The following ADAMTSL1 variants were observed in gnomAD, a reference collection of about 807,000 sequenced individuals.
The protein encoded by ADAMTSL1 is ADAMTS like 1.
In ADAMTSL1, 126 loss-of-function variants were observed where a neutral mutation model predicts 201.8. The observed-to-expected ratio is 0.62, with a 90% CI of 0.54 to 0.72. ADAMTSL1 has a LOEUF of 0.72. Among genes scored for constraint, ADAMTSL1 ranks in the 30% least tolerant of loss-of-function variants. The probability of loss-of-function intolerance (pLI) is 0.00; values close to 1 mark genes in which losing one functional copy is unlikely to be tolerated. For missense variants in ADAMTSL1, 2,679 were observed against 2,277.8 expected (o/e 1.18, Z -3.59); for synonymous variants, 1,121 against 903.4 (o/e 1.24, Z -4.32).
chr9:18,584,768 G>C lies in ADAMTSL1; in HGVS notation c.474+10502G>C, dbSNP rs531075904. Reference sequence around the variant, plus strand: ...GGACTGAGTTGGGAAAATTTACTCAGTATTGGTGGGCACCATCCAATTGAC... The same window carrying C: ...GGACTGAGTTGGGAAAATTTACTCACTATTGGTGGGCACCATCCAATTGAC... On this transcript the variant is annotated intron_variant, in intron 4 of 28. Coordinates refer to ENST00000380548, the MANE Select transcript of ADAMTSL1 (RefSeq NM_001040272.6). Among the ~76,000 whole-genome samples the C allele has an allele frequency of 2.0e-5, 3 of 152,150 alleles. No individual in the cohort carries two copies. The South Asian group carries it at 6.2e-4, about 32-fold the overall frequency.
intron 16 of ADAMTSL1, among the ~76,000 whole-genome samples, chr9:18,763,314 T>C (rs1820178763): frequency 2.0e-5 from 3 of 152,258 alleles, no homozygotes; most frequent in African/African-American, 7.2e-5. Flanking sequence ...TTTTGAGAGA[T>C]GTCTAGTCAG....
At chr9:18,763,885 T>C (rs1820215465) in intron 16 of ADAMTSL1, among the ~76,000 whole-genome samples, 1 of 152,212 alleles carries the variant, frequency 6.6e-6, no homozygotes, top group South Asian at 2.1e-4. Context: ...GCTGGTACTA[T>C]TGCTCTGTAT....
At chr9:18,144,454 C>A (rs1269703462) in intron 1 of ADAMTSL1, among the ~76,000 whole-genome samples, 1 of 152,120 alleles carries the variant, frequency 6.6e-6, no homozygotes, top group African/African-American at 2.4e-5. Flanking sequence ...GATCCTCCCT[C>A]CTCGCCCTTC....
At chr9:18,673,321 A>T (rs924017471) in intron 9 of ADAMTSL1, among the ~76,000 whole-genome samples, 2 of 152,244 alleles carry the variant, frequency 1.3e-5, no homozygotes, top group African/African-American at 4.8e-5. Flanking sequence ...GGCTAGGGCC[A>T]TGGCATGAAC....
At chr9:17,916,063 G>A (rs994085812) in intron 1 of ADAMTSL1, among the ~76,000 whole-genome samples, 2 of 152,194 alleles carry the variant, frequency 1.3e-5, no homozygotes, top group Admixed American at 1.3e-4. Flanking sequence ...GGGATGACAG[G>A]TGCGTGCCAC....
At chr9:18,760,085 C>A (rs1455065735) in intron 16 of ADAMTSL1, among the ~76,000 whole-genome samples, 2 of 152,148 alleles carry the variant, frequency 1.3e-5, no homozygotes, top group East Asian at 1.9e-4. Flanking sequence ...TACATACCTG[C>A]CTGCCACCCC....
At chr9:18,575,445 C>A (rs1230455675) in intron 4 of ADAMTSL1, among the ~76,000 whole-genome samples, 3 of 152,066 alleles carry the variant, frequency 2.0e-5, no homozygotes, top group Non-Finnish European at 4.4e-5. Context: ...TATTTTAAAG[C>A]TAGAAAGGGC....
At chr9:18,696,832 C>A (rs1284488462) in intron 13 of ADAMTSL1, among the ~76,000 whole-genome samples, 1 of 149,470 alleles carries the variant, frequency 6.7e-6, no homozygotes, top group African/African-American at 2.5e-5. Flanking sequence ...AATCATAAGT[C>A]TCATGAAAAT....
chr9:18,277,011 C>G (rs935842600), intron 2 of ADAMTSL1, among the ~76,000 whole-genome samples: 2 of 152,118 alleles, frequency 1.3e-5, no homozygotes, highest in East Asian at 3.9e-4. Context: ...GACCGATTGG[C>G]TATTCAAGAA....
At chr9:18,434,587 C>A (rs1055290691) in intron 2 of ADAMTSL1, among the ~76,000 whole-genome samples, 2 of 152,098 alleles carry the variant, frequency 1.3e-5, no homozygotes, top group Non-Finnish European at 2.9e-5. Flanking sequence ...AGGTAGAATA[C>A]CTGGACAGTT....
intron 2 of ADAMTSL1, among the ~76,000 whole-genome samples, chr9:18,224,725 T>C (rs1490198943): frequency 6.6e-6 from 1 of 152,102 alleles, no homozygotes; most frequent in East Asian, 1.9e-4. Flanking sequence ...CAGCGGCTTT[T>C]CTCATTATAA....
rs144852236 is a variant in ADAMTSL1, at chr9:18,822,442, CA to C, written c.3935-3841del. Among the ~76,000 whole-genome samples, 794 of 152,276 alleles carry C rather than the reference CA, an allele frequency of 5.2e-3. 4 individuals carry two copies. The highest frequency in any genetic ancestry group is 0.013 in the African/African-American group (536 of 41,554). ...GTTCAGAAATAGTAAAGCAGCAGTT[CA>C]GATTTTCTCTCAAGAGTCAGGCTAG... is the stretch of plus-strand genomic sequence containing the variant. On this transcript the variant is annotated intron_variant, in intron 21 of 28. Transcript: ENST00000380548.
intron 2 of ADAMTSL1, among the ~76,000 whole-genome samples, chr9:18,306,584 A>G (rs1196530255): frequency 6.6e-6 from 1 of 152,182 alleles, no homozygotes; most frequent in Non-Finnish European, 1.5e-5. Context: ...AGCAGAAGAA[A>G]GGATATCAGA....
At chr9:18,691,202 C>G (rs1027287492) in intron 13 of ADAMTSL1, among the ~76,000 whole-genome samples, 1 of 152,140 alleles carries the variant, frequency 6.6e-6, no homozygotes, top group African/African-American at 2.4e-5. Flanking sequence ...TCTCTACTAG[C>G]ATATATCAGA....
intron 2 of ADAMTSL1, among the ~76,000 whole-genome samples, chr9:18,340,166 A>G (rs2132958667): frequency 6.6e-6 from 1 of 152,228 alleles, no homozygotes; most frequent in South Asian, 2.1e-4. Context: ...CCTATTCTTT[A>G]GCTTTATTCT....
intron 2 of ADAMTSL1, among the ~76,000 whole-genome samples, chr9:18,240,978 G>T (rs1831038909): frequency 6.6e-6 from 1 of 152,190 alleles, no homozygotes; most frequent in East Asian, 1.9e-4. Flanking sequence ...CCTTGCTCTG[G>T]ATTAGGCTTT....
At chr9:18,274,961 C>G (rs1188074935) in intron 2 of ADAMTSL1, among the ~76,000 whole-genome samples, 1 of 152,198 alleles carries the variant, frequency 6.6e-6, no homozygotes, top group South Asian at 2.1e-4. Context: ...TCTTCTTCAT[C>G]ATTGTCTTCT....
intron 2 of ADAMTSL1, among the ~76,000 whole-genome samples, chr9:18,223,309 G>A (rs1830331572): frequency 6.6e-6 from 1 of 151,960 alleles, no homozygotes; most frequent in Non-Finnish European, 1.5e-5. Flanking sequence ...TAAGAATAAT[G>A]CAATTATTCT....
intron 1 of ADAMTSL1, among the ~76,000 whole-genome samples, chr9:18,006,582 T>A (rs1242524102): frequency 1.3e-5 from 2 of 151,968 alleles, no homozygotes; most frequent in Non-Finnish European, 2.9e-5. Flanking sequence ...TAAAACCAAG[T>A]TAGTTACGCA....
Sources: gnomAD v4.1 joint callset for allele counts (sites outside exome capture counted in the v4.1 genomes callset) on GRCh38, gnomAD v4.1.1 for gene constraint, MANE v1.5 for transcripts, NCBI Gene and HGNC (gene_info 2026-07-23, HGNC 2026-07-21) for gene names.